Variants in LOC128462377 observed in about 807,000 individuals in gnomAD.
At chr16:89,370,469 T>C in the LOC128462377 span, among the ~76,000 whole-genome samples, 2 of 152,114 alleles carry the variant, frequency 1.3e-5, no homozygotes, top group Non-Finnish European at 2.9e-5. Context: ...TCCTGCAAGA[T>C]GACACCCAGG....
the LOC128462377 span, among the ~76,000 whole-genome samples, chr16:89,396,965 T>C: frequency 6.6e-5 from 10 of 151,982 alleles, no homozygotes; most frequent in South Asian, 1.0e-3. Flanking sequence ...GGTGGGATTA[T>C]AGGCATGAGC....
the LOC128462377 span, chr16:89,323,998 AC>A: frequency 4.5e-6 from 1 of 223,740 alleles, no homozygotes; most frequent in Non-Finnish European, 9.0e-6. Flanking sequence ...TTCAAACCAA[AC>A]CCCCAGTGTG....
chr16:89,365,232 T>C, the LOC128462377 span, among the ~76,000 whole-genome samples: 2 of 152,190 alleles, frequency 1.3e-5, no homozygotes, highest in Non-Finnish European at 2.9e-5. Flanking sequence ...CCAGAGCTGG[T>C]TTTTGTAGAA....
chr16:89,349,861 AACACACACACAC>A, the LOC128462377 span, among the ~76,000 whole-genome samples: 909 of 133,240 alleles, frequency 6.8e-3, 4 homozygotes, highest in East Asian at 0.015. Flanking sequence ...TACTTGTTAA[AACACACACACAC>A]ACACACACAC....
the LOC128462377 span, among the ~76,000 whole-genome samples, chr16:89,409,806 G>C: frequency 6.7e-6 from 1 of 149,868 alleles, no homozygotes; most frequent in Non-Finnish European, 1.5e-5. Flanking sequence ...GCATCTTTCT[G>C]CTCACTTCTC....
At chr16:89,409,551 C>T in the LOC128462377 span, among the ~76,000 whole-genome samples, 3 of 152,176 alleles carry the variant, frequency 2.0e-5, no homozygotes, top group African/African-American at 2.4e-5. Context: ...CTGCGACTCA[C>T]GCCTGTAATC....
At chr16:89,406,401 C>G in the LOC128462377 span, among the ~76,000 whole-genome samples, 1 of 152,208 alleles carries the variant, frequency 6.6e-6, no homozygotes, top group Non-Finnish European at 1.5e-5. Context: ...CCAGCCGGCG[C>G]GCTCTGAGAC....
At chr16:89,349,134 T>TAAAAAAAA in the LOC128462377 span, among the ~76,000 whole-genome samples, 1,017 of 16,470 alleles carry the variant, frequency 0.062, 132 homozygotes, top group Middle Eastern at 0.14. Context: ...TCTCAAAAAG[T>TAAAAAAAA]AAAAAAAAAA....
At chr16:89,326,960 T>C in the LOC128462377 span, among the ~76,000 whole-genome samples, 1 of 150,954 alleles carries the variant, frequency 6.6e-6, no homozygotes, top group African/African-American at 2.5e-5. Context: ...GAAAAGCAGG[T>C]ACAGCAAGAA....
At chr16:89,350,907 T>C in the LOC128462377 span, among the ~76,000 whole-genome samples, 1 of 152,174 alleles carries the variant, frequency 6.6e-6, no homozygotes, top group African/African-American at 2.4e-5. Flanking sequence ...ACGATTTCTT[T>C]CCACGATTCA....
the LOC128462377 span, among the ~76,000 whole-genome samples, chr16:89,389,950 AGAG>A: frequency 1.3e-5 from 1 of 79,898 alleles, no homozygotes; most frequent in African/African-American, 5.6e-5. Flanking sequence ...GAGCACCGAG[AGAG>A]AAGATCACTG....
chr16:89,339,029 C>G, the LOC128462377 span, among the ~76,000 whole-genome samples: 1 of 152,154 alleles, frequency 6.6e-6, no homozygotes, highest in Non-Finnish European at 1.5e-5. Flanking sequence ...AATGATGAGT[C>G]CATCTGCTCG....
the LOC128462377 span, among the ~76,000 whole-genome samples, chr16:89,342,633 T>TC: frequency 7.2e-5 from 11 of 152,254 alleles, no homozygotes; most frequent in East Asian, 2.1e-3. Flanking sequence ...GGTGAATAAA[T>TC]CCCCAAGTAT....
the LOC128462377 span, chr16:89,320,984 CAGG>C: frequency 6.6e-6 from 1 of 152,352 alleles, no homozygotes; most frequent in African/African-American, 2.4e-5. Context: ...CAAGAGCACT[CAGG>C]AGGTGACAGA....
the LOC128462377 span, among the ~76,000 whole-genome samples, chr16:89,404,566 A>G: frequency 2.0e-5 from 3 of 152,232 alleles, no homozygotes; most frequent in Non-Finnish European, 4.4e-5. Flanking sequence ...GCTTTTGAAA[A>G]CACTGTTGAC....
the LOC128462377 span, among the ~76,000 whole-genome samples, chr16:89,389,858 G>C: frequency 7.5e-6 from 1 of 133,502 alleles, no homozygotes; most frequent in African/African-American, 2.9e-5. Context: ...AGCACCGAGA[G>C]AAAGAAGATC....
At chr16:89,334,476 A>G in the LOC128462377 span, among the ~76,000 whole-genome samples, 2 of 152,024 alleles carry the variant, frequency 1.3e-5, no homozygotes, top group Non-Finnish European at 2.9e-5. Context: ...TCCTCTCACA[A>G]AGGGGGAGTG....
At chr16:89,405,157 G>A in the LOC128462377 span, among the ~76,000 whole-genome samples, 7 of 151,958 alleles carry the variant, frequency 4.6e-5, no homozygotes, top group Admixed American at 4.6e-4. Flanking sequence ...TCACGCCATT[G>A]CACTCCAGCC....
the LOC128462377 span, among the ~76,000 whole-genome samples, chr16:89,367,157 G>A: frequency 6.6e-6 from 1 of 152,160 alleles, no homozygotes; most frequent in East Asian, 1.9e-4. Context: ...GTGAGGAAGA[G>A]CAGGCACCTC....
Sources: allele counts gnomAD v4.1 joint callset (sites outside exome capture counted in the v4.1 genomes callset), GRCh38; gene constraint gnomAD v4.1.1; transcripts MANE v1.5.